ENGASE: variants seen among roughly 807,000 people sequenced by gnomAD.
The protein encoded by ENGASE is cytosolic endo-beta-N-acetylglucosaminidase.
Under a neutral mutation model 78.5 loss-of-function variants are expected in ENGASE, and 69 were observed. That is an observed-to-expected ratio of 0.88 (90% confidence interval 0.72 to 1.07). ENGASE has a LOEUF of 1.07. Ranked by LOEUF, ENGASE falls within the 50% of genes least tolerant of loss-of-function variation. The pLI, the probability that ENGASE is intolerant of heterozygous loss-of-function variation, is 0.00. For missense variants in ENGASE, 943 were observed against 988.4 expected (o/e 0.95, Z 0.62); for synonymous variants, 408 against 408.9 (o/e 1.00, Z 0.03).
Position 79,087,227 on chromosome 17 carries a change from A to AGCCCC in ENGASE, c.*879_*883dup, listed in dbSNP as rs2073342858. On this transcript the variant is annotated 3_prime_UTR_variant, in exon 14 of 14. Transcript: ENST00000579016. Reference sequence around the variant, plus strand: ...CAGCACCTGCCCCCCGCGCCAGCCCAGCCCCAGCCTGAGTGCAGGAGCTGC... The same window carrying AGCCCC: ...CAGCACCTGCCCCCCGCGCCAGCCCAGCCCCGCCCCAGCCTGAGTGCAGGAGCTGC... 1 of 356,920 alleles carries AGCCCC rather than the reference A, an allele frequency of 2.8e-6. No individual in the cohort carries two copies. The highest frequency in any genetic ancestry group is 5.6e-6 in the Non-Finnish European group (1 of 178,242). The allele number at this position is 356,920 out of a possible 1,614,324, so 22.1% of individuals were successfully genotyped here. A position where few individuals can be genotyped will look rare whatever the true frequency, so the allele number is the denominator to read the frequency against.
rs1349162134 is a variant in ENGASE, at chr17:79,085,334, G to A, written c.1692G>A (p.Trp564Ter). Residue 564 changes from tryptophan to a stop codon, truncating the protein, a stop_gained, in exon 12 of 14, where the codon TGG becomes TGA. Transcript: ENST00000579016. LOFTEE classifies it high-confidence loss of function. ...GRCGRQLSGG[W>*]VQHCYEVSLR... is the part of the protein sequence containing the mutation. ...GCGGCCGGCAGCTGAGTGGGGGCTG[G>A]GTCCAGCAGTAAGTCCCTCTGCTTC... The A allele has an allele frequency of 1.2e-6, 2 of 1,609,032 alleles. No homozygotes were observed. Among genetic ancestry groups the A allele is most frequent in the African/African-American group, 1.3e-5 (1 of 74,666 alleles).
rs1479467323 is a variant in ENGASE, at chr17:79,086,133, C to T, written c.2016C>T (p.Asp672=). The T allele has an allele frequency of 1.2e-6, 2 of 1,613,762 alleles. No individual in the cohort carries two copies. Among genetic ancestry groups the T allele is most frequent in the Admixed American group, 1.7e-5 (1 of 60,026 alleles). ...RIHCWGGMSD[D]SPGRELPRPE... Reference sequence around the variant, plus strand: ...ACTGCTGGGGAGGGATGAGTGATGACTCTCCGGGCAGGGAGCTGCCGAGGC... The same window carrying T: ...ACTGCTGGGGAGGGATGAGTGATGATTCTCCGGGCAGGGAGCTGCCGAGGC... Residue 672 remains aspartate (D), a synonymous_variant, in exon 14 of 14, where the codon GAC becomes GAT. Transcript: ENST00000579016.
Position 79,086,185 on chromosome 17 carries a change from G to C in ENGASE, c.2068G>C (p.Ala690Pro), listed in dbSNP as rs1246377551. 1 of 1,613,714 alleles carries C rather than the reference G, an allele frequency of 6.2e-7. No individual in the cohort carries two copies. The highest frequency in any genetic ancestry group is 1.7e-5 in the Admixed American group (1 of 60,026). The change falls in exon 14 of 14, where the codon GCT (alanine) becomes CCT (proline). Residue 690 changes from alanine (A) to proline (P), a missense_variant. Ala to Pro is a conservative substitution (Grantham distance 27). Coordinates refer to ENST00000579016, the MANE Select transcript of ENGASE (RefSeq NM_001042573.3). Reference sequence around the variant, plus strand: ...AGAGATGCCCATGTTCCTGGGGTTGGCTTTTGCCACCCAGTACCGGATAGT... The same window carrying C: ...AGAGATGCCCATGTTCCTGGGGTTGCCTTTTGCCACCCAGTACCGGATAGT... ...RPEMPMFLGL[A>P]FATQYRIVDL...
chr17:79,083,224 A>G lies in ENGASE; in HGVS notation c.1142+101A>G. The G allele has an allele frequency of 1.1e-6, 1 of 928,726 alleles. No homozygotes were observed. The highest frequency in any genetic ancestry group is 1.5e-5 in the South Asian group (1 of 65,492). The allele number at this position is 928,726 out of a possible 1,614,324, so 57.5% of individuals were successfully genotyped here. ...TTTGTGCTCTTTAGTGACCCTTCCT[A>G]TGGGGGGGTGGTTAAGGGAGGATGA... On this transcript the variant is annotated intron_variant, in intron 8 of 13. Coordinates refer to ENST00000579016, the MANE Select transcript of ENGASE (RefSeq NM_001042573.3). The surrounding 1 kb of genome is among the most constrained non-coding windows in gnomAD (Gnocchi z 4.9).
At chr17:79,085,762 G>A (rs1452597374) in intron 13 of ENGASE, 28 bp downstream of exon 13, 1 of 1,609,552 alleles carries the variant, frequency 6.2e-7, no homozygotes, top group Non-Finnish European at 8.5e-7. Flanking sequence ...GGCTCGGGCT[G>A]GGCTGGCTGT....
At position 79,083,126 on chromosome 17, in the gene ENGASE, G is replaced by A. The variant is rs746346141; in HGVS notation, c.1142+3G>A. ...GATTTCTTCCAGAACCAGGACAAGT[G>A]AGTCCTGCTGTCCTGGGTGCTTAGT... On this transcript the variant is annotated splice_donor_region_variant and intron_variant, in intron 8 of 13. Coordinates refer to ENST00000579016, the MANE Select transcript of ENGASE (RefSeq NM_001042573.3). This position sits in a 1 kb window ranked among gnomAD's most constrained non-coding sequence, Gnocchi z 4.9. The A allele has an allele frequency of 3.1e-6, 5 of 1,605,062 alleles. No homozygotes were observed. The Admixed American group carries it at 5.0e-5, about 16-fold the overall frequency.
chr17:79,079,577 G>A lies in ENGASE; in HGVS notation c.505G>A (p.Val169Ile), dbSNP rs36073943. ...DVFVYFSHHT[V>I]TIPPVGWTNT... ...CTTTGTGTACTTCAGCCACCACACC[G>A]TCACCATTCCCCCAGTGGGCTGGAC... is the stretch of plus-strand genomic sequence containing the variant. The change falls in exon 4 of 14, where the codon GTC (valine) becomes ATC (isoleucine). Residue 169 changes from valine (V) to isoleucine (I), a missense_variant. Val to Ile is a conservative substitution (Grantham distance 29). Coordinates refer to ENST00000579016, the MANE Select transcript of ENGASE (RefSeq NM_001042573.3). The A allele has an allele frequency of 1.2e-3, 2,007 of 1,614,016 alleles. 17 individuals are homozygous for A. In the African/African-American group the frequency reaches 0.024, roughly 19 times the overall value.
chr17:79,079,550 G>T lies in ENGASE; in HGVS notation c.478G>T (p.Val160Phe). Residue 160 changes from valine (V) to phenylalanine (F), a missense_variant, in exon 4 of 14, where the codon GTC becomes TTC. By Grantham distance (50) the Val-to-Phe change is conservative. Coordinates refer to ENST00000579016, the MANE Select transcript of ENGASE (RefSeq NM_001042573.3). ...YAFYHWQCID[V>F]FVYFSHHTVT... ...TTTCTACCACTGGCAGTGCATCGAC[G>T]TCTTTGTGTACTTCAGCCACCACAC... is the stretch of plus-strand genomic sequence containing the variant. 6.2e-7 allele frequency: 1 copy of T among 1,614,068 alleles called. No individual in the cohort carries two copies. The highest frequency in any genetic ancestry group is 1.1e-5 in the South Asian group (1 of 91,074).
rs749773037 is a variant in ENGASE, at chr17:79,082,976, G to T, written c.1039-44G>T. 6 of 1,601,112 alleles carry T rather than the reference G, an allele frequency of 3.7e-6. No homozygotes were observed. The East Asian group carries it at 9.0e-5, about 24-fold the overall frequency. On this transcript the variant is annotated intron_variant, in intron 7 of 13. Coordinates refer to ENST00000579016, the MANE Select transcript of ENGASE (RefSeq NM_001042573.3). ...TCACTGGCGTCCAGGAGCCTGTCTG[G>T]ACTCTGGTCCTGATGTGCCCAGCGT...
Position 79,082,384 on chromosome 17 carries a change from C to T in ENGASE, c.1038+321C>T, listed in dbSNP as rs192276477. 1.6e-3 allele frequency: 2,042 copies of T among 1,266,728 alleles called. 29 individuals are homozygous for T. In the African/African-American group the frequency reaches 0.029, roughly 18 times the overall value. 78.5% of individuals were successfully genotyped at this position (1,266,728 alleles called of 1,614,324 possible). On this transcript the variant is annotated intron_variant, in intron 7 of 13. Coordinates refer to ENST00000579016, the MANE Select transcript of ENGASE (RefSeq NM_001042573.3). Reference sequence around the variant, plus strand: ...GTCCCAGCTGCGTTCCTTGATCTTCCCCGTGAGGGAAGCCTGCGGGGACGC... The same window carrying T: ...GTCCCAGCTGCGTTCCTTGATCTTCTCCGTGAGGGAAGCCTGCGGGGACGC...
chr17:79,080,055 A>C (rs2145982753), intron 4 of ENGASE, 152 bp from the exon 5 acceptor site: 1 of 765,812 alleles, frequency 1.3e-6, no homozygotes, highest in African/African-American at 1.8e-5. Context: ...GCACTGGCAG[A>C]GTGTCTGATT....
chr17:79,084,062 C>T (rs2073222415), intron 10 of ENGASE, 111 bp downstream of exon 10: 2 of 935,492 alleles, frequency 2.1e-6, no homozygotes, highest in Non-Finnish European at 3.2e-6. Flanking sequence ...AGAGGACAGA[C>T]CCAGATGGGT....
chr17:79,086,945 C>T lies in ENGASE; in HGVS notation c.*596C>T, dbSNP rs577515096. 4.1e-6 allele frequency: 2 copies of T among 483,906 alleles called. No homozygotes were observed. Among genetic ancestry groups the T allele is most frequent in the South Asian group, 3.0e-5 (2 of 66,442 alleles). The allele number at this position is 483,906 out of a possible 1,614,324, so 30.0% of individuals were successfully genotyped here. A position where few individuals can be genotyped will look rare whatever the true frequency, so the allele number is the denominator to read the frequency against. On this transcript the variant is annotated 3_prime_UTR_variant, in exon 14 of 14. Transcript: ENST00000579016. ...ATTCTGGGCCAGCCGGCGCTGGCTTCGTGCCTCCACGTGGGCCAGCCCCAG... is the reference window on the plus strand; with the variant it reads ...ATTCTGGGCCAGCCGGCGCTGGCTTTGTGCCTCCACGTGGGCCAGCCCCAG...
intron 3 of ENGASE, among the ~76,000 whole-genome samples, chr17:79,078,852 T>A (rs763312468): frequency 6.6e-6 from 1 of 151,922 alleles, no homozygotes; most frequent in South Asian, 2.1e-4. Context: ...CCAAATAGAG[T>A]GGGAAGCCAG....
In ENGASE at chr17:79,084,628, G is replaced by A; in HGVS notation, c.1533G>A (p.Leu511=). The part of the protein sequence containing the change: ...LEGPTDVTVA[L]ELTTGDAGSC... ...GGCCCACGGACGTCACAGTTGCTTT[G>A]GAGCTGACCACAGGGGATGCCGGCA... The change falls in exon 11 of 14, where the codon TTG becomes TTA. Residue 511 remains leucine, a synonymous_variant. Transcript: ENST00000579016. 1 of 1,613,138 alleles carries A rather than the reference G, an allele frequency of 6.2e-7. No homozygotes were observed. The highest frequency in any genetic ancestry group is 8.5e-7 in the Non-Finnish European group (1 of 1,179,706).
intron 4 of ENGASE, 54 bp from the exon 5 acceptor site, chr17:79,080,153 G>A (rs1270841103): frequency 6.5e-7 from 1 of 1,543,392 alleles, no homozygotes; most frequent in East Asian, 2.3e-5. Flanking sequence ...GAAAACTGTG[G>A]GTGGAGGGAA....
chr17:79,077,339 C>A, intron 1 of ENGASE, 91 bp from the exon 2 acceptor site: 3 of 1,098,928 alleles, frequency 2.7e-6, no homozygotes, highest in South Asian at 3.0e-5. Flanking sequence ...GAATATCTCT[C>A]TGTGTTTAGA....
At chr17:79,077,637 G>A (rs568309615) in intron 2 of ENGASE, 26 bp from the exon 3 acceptor site, 1 of 1,611,156 alleles carries the variant, frequency 6.2e-7, no homozygotes, top group South Asian at 1.1e-5. Flanking sequence ...TCCATTAATT[G>A]CTCAATGTTT....
chr17:79,084,129 T>C (rs2073224649), intron 10 of ENGASE, 178 bp downstream of exon 10: 1 of 621,482 alleles, frequency 1.6e-6, no homozygotes, highest in Non-Finnish European at 2.8e-6. Context: ...TTGACCCTGT[T>C]GAAGTGAACG....
Sources: allele counts gnomAD v4.1 joint callset (sites outside exome capture counted in the v4.1 genomes callset), GRCh38; gene constraint gnomAD v4.1.1; non-coding constraint Gnocchi (gnomAD v3.1); transcripts MANE v1.5; gene names NCBI Gene and HGNC (gene_info 2026-07-23, HGNC 2026-07-21).